KCNAB1: variants seen among roughly 807,000 people sequenced by gnomAD.
The protein encoded by KCNAB1 is voltage-gated potassium channel subunit beta-1.
Under a neutral mutation model 64.6 loss-of-function variants are expected in KCNAB1, and 35 were observed. The observed-to-expected ratio is 0.54, with a 90% CI of 0.41 to 0.72. KCNAB1 has a LOEUF of 0.72. Among genes scored for constraint, KCNAB1 ranks in the 30% least tolerant of loss-of-function variants. KCNAB1 has a pLI of 0.00. For missense variants in KCNAB1, 401 were observed against 512.9 expected (o/e 0.78, Z 2.11); for synonymous variants, 177 against 183.8 (o/e 0.96, Z 0.30).
intron 7 of KCNAB1, among the ~76,000 whole-genome samples, chr3:156,466,023 T>C (rs1368972537): frequency 6.6e-6 from 1 of 152,194 alleles, no homozygotes; most frequent in Non-Finnish European, 1.5e-5. Context: ...GTACATTTCA[T>C]TTGTTCTGAG....
intron 1 of KCNAB1, among the ~76,000 whole-genome samples, chr3:156,289,238 C>A (rs183030001): frequency 6.8e-4 from 103 of 152,360 alleles, no homozygotes; most frequent in African/African-American, 2.5e-3. Flanking sequence ...CACTCCACCT[C>A]ATCTCTGAGC....
chr3:156,429,772 G>A (rs951738076), intron 2 of KCNAB1, among the ~76,000 whole-genome samples: 2 of 152,166 alleles, frequency 1.3e-5, no homozygotes, highest in Non-Finnish European at 2.9e-5. Context: ...ATTATGAAGT[G>A]CCTCCTGGGA....
At chr3:156,469,610 A>T (rs1344632623) in intron 7 of KCNAB1, among the ~76,000 whole-genome samples, 1 of 152,218 alleles carries the variant, frequency 6.6e-6, no homozygotes, top group East Asian at 1.9e-4. Flanking sequence ...ATCTCTGAGG[A>T]TGGATAAACC....
At chr3:156,484,616 A>C (rs1359131644) in intron 8 of KCNAB1, among the ~76,000 whole-genome samples, 1 of 152,140 alleles carries the variant, frequency 6.6e-6, no homozygotes, top group Non-Finnish European at 1.5e-5. Flanking sequence ...GCAGATCTGC[A>C]GTGACATGCA....
At chr3:156,431,178 A>C (rs901851063) in intron 2 of KCNAB1, among the ~76,000 whole-genome samples, 4 of 152,120 alleles carry the variant, frequency 2.6e-5, no homozygotes, top group African/African-American at 9.7e-5. Context: ...TAAAGGCTTC[A>C]CGAGGTCCCC....
chr3:156,170,018 T>C (rs1035271879), intron 1 of KCNAB1, among the ~76,000 whole-genome samples: 5 of 152,200 alleles, frequency 3.3e-5, no homozygotes, highest in Admixed American at 3.3e-4. Context: ...TGCCCAAGGC[T>C]ACTCATCTTG....
At chr3:156,458,984 A>T (rs1188254888) in intron 4 of KCNAB1, among the ~76,000 whole-genome samples, 1 of 152,228 alleles carries the variant, frequency 6.6e-6, no homozygotes, top group Non-Finnish European at 1.5e-5. Context: ...ATCATGGCTT[A>T]TTGCAAGCTA....
At chr3:156,415,966 C>G (rs958929402) in intron 1 of KCNAB1, among the ~76,000 whole-genome samples, 1 of 152,182 alleles carries the variant, frequency 6.6e-6, no homozygotes, top group Non-Finnish European at 1.5e-5. Flanking sequence ...GAACACTCTA[C>G]TTCGGTGAAA....
At chr3:156,165,006 G>A (rs930019950) in intron 1 of KCNAB1, among the ~76,000 whole-genome samples, 5 of 152,100 alleles carry the variant, frequency 3.3e-5, no homozygotes, top group African/African-American at 1.2e-4. Context: ...GGCCGGGCGC[G>A]GTGGCTCAAC....
intron 1 of KCNAB1, among the ~76,000 whole-genome samples, chr3:156,144,225 T>C (rs557941391): frequency 4.0e-4 from 61 of 152,254 alleles, no homozygotes; most frequent in Non-Finnish European, 6.9e-4. Context: ...AAAAACAATT[T>C]AGCAATTGTA....
intron 1 of KCNAB1, among the ~76,000 whole-genome samples, chr3:156,410,263 G>T (rs7642628): frequency 0.32 from 48,419 of 151,952 alleles, 10,883 homozygotes; most frequent in African/African-American, 0.64. Context: ...CTCATAACCC[G>T]GTGAAAAACA....
At chr3:156,317,433 A>G (rs78665832) in intron 1 of KCNAB1, among the ~76,000 whole-genome samples, 2,649 of 152,262 alleles carry the variant, frequency 0.017, 85 homozygotes, top group African/African-American at 0.061. Flanking sequence ...GAGAAAAACA[A>G]TCTGTTAATT....
chr3:156,430,707 C>T (rs1016147811), intron 2 of KCNAB1, among the ~76,000 whole-genome samples: 12 of 152,146 alleles, frequency 7.9e-5, no homozygotes, highest in African/African-American at 2.7e-4. Flanking sequence ...CCTTATGGCC[C>T]ATCTACTTCC....
intron 1 of KCNAB1, among the ~76,000 whole-genome samples, chr3:156,196,832 C>T (rs1334329898): frequency 6.6e-6 from 1 of 152,156 alleles, no homozygotes; most frequent in Non-Finnish European, 1.5e-5. Flanking sequence ...GAACTTCCAA[C>T]ACTATGTTGA....
intron 7 of KCNAB1, among the ~76,000 whole-genome samples, chr3:156,469,747 T>C (rs1713739871): frequency 6.6e-6 from 1 of 152,294 alleles, no homozygotes; most frequent in East Asian, 1.9e-4. Flanking sequence ...TTACAGTCCA[T>C]AGTTTCTGCC....
rs200363859 is a variant in KCNAB1, at chr3:156,301,210, TG to T, written c.276-120405del. Among the ~76,000 whole-genome samples the T allele has an allele frequency of 2.6e-4, 39 of 150,038 alleles. No individual in the cohort carries two copies. The South Asian group carries it at 3.0e-3, about 11-fold the overall frequency. On this transcript the variant is annotated intron_variant, in intron 1 of 13. Coordinates refer to ENST00000490337, the MANE Select transcript of KCNAB1 (RefSeq NM_172160.3). Reference sequence around the variant, plus strand: ...CTCTTTAAACTAGGTTTTTATGTTTTGTTTTTTTTTTAAAATGTCTTTGGCC... The same window carrying T: ...CTCTTTAAACTAGGTTTTTATGTTTTTTTTTTTTTTAAAATGTCTTTGGCC...
intron 3 of KCNAB1, chr3:156,456,028 G>A (rs1712402765): frequency 6.6e-6 from 1 of 152,222 alleles, no homozygotes; most frequent in Non-Finnish European, 1.5e-5. Context: ...CATGCAGGAG[G>A]AGGAGATCCC....
At chr3:156,476,272 A>G (rs1051309682) in intron 8 of KCNAB1, among the ~76,000 whole-genome samples, 3 of 151,968 alleles carry the variant, frequency 2.0e-5, no homozygotes, top group African/African-American at 7.3e-5. Context: ...ACTGCACCAT[A>G]TTTGTAGTCT....
chr3:156,473,337 C>A (rs1714077605), intron 7 of KCNAB1, among the ~76,000 whole-genome samples: 1 of 152,140 alleles, frequency 6.6e-6, no homozygotes, highest in African/African-American at 2.4e-5. Flanking sequence ...GTGCAGATTT[C>A]CGACCTTTCA....
Sources: allele counts gnomAD v4.1 joint callset (sites outside exome capture counted in the v4.1 genomes callset), GRCh38; gene constraint gnomAD v4.1.1; transcripts MANE v1.5; gene names NCBI Gene and HGNC (gene_info 2026-07-23, HGNC 2026-07-21).